MAGI2: variants seen among roughly 807,000 people sequenced by gnomAD.
MAGI2 encodes membrane associated guanylate kinase, WW and PDZ domain containing 2, also known as membrane-associated guanylate kinase, WW and PDZ domain-containing protein 2.
A neutral mutation model predicts 133.3 loss-of-function variants in MAGI2; 35 were observed. The observed-to-expected ratio is 0.26, with a 90% CI of 0.20 to 0.35. MAGI2 has a LOEUF of 0.35. MAGI2 is among the 10% of genes least tolerant of loss of function. The pLI, the probability that MAGI2 is intolerant of heterozygous loss-of-function variation, is 1.00. For synonymous variants in MAGI2, 729 were observed against 710.6 expected (o/e 1.03, Z -0.41); for missense variants, 1,636 against 1,863.4 (o/e 0.88, Z 2.25).
rs149554875 is a variant in MAGI2 at position 78,419,600 on chromosome 7, A to ATT, written c.1046-50389_1046-50388dup. On this transcript the variant is annotated intron_variant, in intron 6 of 21. Coordinates refer to ENST00000354212, the MANE Select transcript of MAGI2 (RefSeq NM_012301.4). ...AGACTGAGTCTGGGATTGAGCAGTG[A>ATT]TTTTTTTTTTTTTTTTTTTTTAAGG... Among the ~76,000 whole-genome samples the ATT allele has an allele frequency of 1.7e-4, 24 of 144,644 alleles. No individual in the cohort carries two copies. The South Asian group carries it at 3.6e-3, about 21-fold the overall frequency. The allele number at this position is 144,644 out of a possible 152,430, so 94.9% of individuals were successfully genotyped here.
intron 2 of MAGI2, among the ~76,000 whole-genome samples, chr7:78,882,986 A>G (rs1269921795): frequency 6.6e-6 from 1 of 152,184 alleles, no homozygotes; most frequent in African/African-American, 2.4e-5. Flanking sequence ...TATTCAATGT[A>G]GTATTGGAAG....
chr7:78,605,250 C>T (rs189647453), intron 3 of MAGI2, among the ~76,000 whole-genome samples: 7 of 152,224 alleles, frequency 4.6e-5, no homozygotes, highest in African/African-American at 1.7e-4. Flanking sequence ...TCAAATGATA[C>T]TGAAAAAGTA....
intron 20 of MAGI2, among the ~76,000 whole-genome samples, chr7:78,097,555 A>G (rs947164704): frequency 3.3e-5 from 5 of 152,190 alleles, no homozygotes; most frequent in Non-Finnish European, 1.5e-5. Context: ...TAGCAAACTA[A>G]TACAGGAACA....
intron 2 of MAGI2, among the ~76,000 whole-genome samples, chr7:78,971,777 G>A (rs1158479130): frequency 3.3e-5 from 5 of 151,822 alleles, no homozygotes; most frequent in African/African-American, 1.2e-4. Flanking sequence ...GATTTAATCT[G>A]TCTCAATTTC....
At chr7:78,615,151 A>C (rs1459369207) in intron 3 of MAGI2, 1 of 152,136 alleles carries the variant, frequency 6.6e-6, no homozygotes, top group Non-Finnish European at 1.5e-5. Flanking sequence ...TAACCTGCAT[A>C]CACCATTATA....
chr7:78,855,816 T>C (rs1793585122), intron 2 of MAGI2, among the ~76,000 whole-genome samples: 2 of 152,200 alleles, frequency 1.3e-5, no homozygotes, highest in Admixed American at 1.3e-4. Context: ...TCTAGATCCT[T>C]GAGGAATCGC....
intron 1 of MAGI2, among the ~76,000 whole-genome samples, chr7:79,423,425 T>C (rs932582332): frequency 3.3e-5 from 5 of 151,974 alleles, no homozygotes; most frequent in Non-Finnish European, 7.4e-5. Context: ...ATATTATACA[T>C]TTCACCTAAT....
intron 1 of MAGI2, among the ~76,000 whole-genome samples, chr7:79,172,314 A>G (rs1465131059): frequency 6.6e-6 from 1 of 152,096 alleles, no homozygotes; most frequent in African/African-American, 2.4e-5. Context: ...TATAGATGTT[A>G]AGAAACCTTA....
At chr7:78,516,539 C>T (rs1221534714) in intron 4 of MAGI2, among the ~76,000 whole-genome samples, 1 of 151,974 alleles carries the variant, frequency 6.6e-6, no homozygotes, top group African/African-American at 2.4e-5. Context: ...TTTTTGTAGA[C>T]ACAGGATTTT....
At chr7:78,833,513 C>T (rs183017373) in intron 2 of MAGI2, among the ~76,000 whole-genome samples, 7 of 152,268 alleles carry the variant, frequency 4.6e-5, no homozygotes, top group South Asian at 2.1e-4. Context: ...CGCTGTATTG[C>T]GGGCTGTTGG....
chr7:78,428,065 C>G (rs774441970), intron 6 of MAGI2, among the ~76,000 whole-genome samples: 1 of 152,118 alleles, frequency 6.6e-6, no homozygotes, highest in African/African-American at 2.4e-5. Flanking sequence ...AGGAACGCAT[C>G]GTAACAGAGT....
chr7:78,433,793 A>G (rs1425818850), intron 6 of MAGI2, among the ~76,000 whole-genome samples: 1 of 152,152 alleles, frequency 6.6e-6, no homozygotes, highest in Admixed American at 6.6e-5. Context: ...TCTTTTCACC[A>G]GTTTTAGAGC....
At chr7:79,388,790 A>C (rs2129148759) in intron 1 of MAGI2, among the ~76,000 whole-genome samples, 1 of 151,400 alleles carries the variant, frequency 6.6e-6, no homozygotes, top group South Asian at 2.1e-4. Context: ...TTTTCAATAT[A>C]TGTCTTGAAA....
chr7:79,114,846 C>T (rs1008759379), intron 1 of MAGI2, among the ~76,000 whole-genome samples: 1 of 152,160 alleles, frequency 6.6e-6, no homozygotes, highest in Non-Finnish European at 1.5e-5. Flanking sequence ...CCTCCCATTC[C>T]AATAATCTCT....
intron 3 of MAGI2, among the ~76,000 whole-genome samples, chr7:78,620,528 A>G (rs978978712): frequency 6.6e-6 from 1 of 151,956 alleles, no homozygotes; most frequent in Admixed American, 6.6e-5. Flanking sequence ...TCATGTAGTT[A>G]TGAGAAAACT....
At chr7:79,400,823 A>G (rs1563189341) in intron 1 of MAGI2, among the ~76,000 whole-genome samples, 1 of 152,066 alleles carries the variant, frequency 6.6e-6, no homozygotes, top group Non-Finnish European at 1.5e-5. Flanking sequence ...AGTATGTTCT[A>G]CATACTATAT....
At chr7:78,126,097 T>C (rs548392150) in intron 19 of MAGI2, among the ~76,000 whole-genome samples, 1 of 152,290 alleles carries the variant, frequency 6.6e-6, no homozygotes, top group African/African-American at 2.4e-5. Flanking sequence ...TCAGTTTACT[T>C]GGCAAACGTG....
chr7:78,245,013 A>G (rs1374601681), intron 10 of MAGI2, among the ~76,000 whole-genome samples: 1 of 152,216 alleles, frequency 6.6e-6, no homozygotes, highest in African/African-American at 2.4e-5. Flanking sequence ...AATTTCCATA[A>G]TCCTCACTAT....
intron 6 of MAGI2, among the ~76,000 whole-genome samples, chr7:78,414,117 T>C (rs930786512): frequency 8.6e-5 from 13 of 151,992 alleles, no homozygotes; most frequent in African/African-American, 3.1e-4. Context: ...CTGAAGGCAG[T>C]TGATGTATGG....
Sources: gnomAD v4.1 joint callset for allele counts (sites outside exome capture counted in the v4.1 genomes callset) on GRCh38, gnomAD v4.1.1 for gene constraint, MANE v1.5 for transcripts, NCBI Gene and HGNC (gene_info 2026-07-23, HGNC 2026-07-21) for gene names.